Variants in CPNE4 observed in about 807,000 individuals in gnomAD.
The protein encoded by CPNE4 is copine-4.
In CPNE4, 25 loss-of-function variants were observed where a neutral mutation model predicts 67.9. That is an observed-to-expected ratio of 0.37 (90% CI 0.27 to 0.51). The LOEUF (loss-of-function observed/expected upper bound fraction) is 0.51. CPNE4 is among the 20% of genes least tolerant of loss of function. CPNE4 has a pLI of 0.93. For missense variants in CPNE4, 464 were observed against 690.8 expected, an observed-to-expected ratio of 0.67 and a Z score of 3.68; for synonymous variants, 242 against 244.9, an observed-to-expected ratio of 0.99 and a Z score of 0.11.
At chr3:131,543,975 G>T (rs1935670167) in intron 14 of CPNE4, among the ~76,000 whole-genome samples, 1 of 152,190 alleles carries the variant, frequency 6.6e-6, no homozygotes, top group South Asian at 2.1e-4. Flanking sequence ...TTGGAGGAAA[G>T]GTGCTGTACT....
chr3:131,752,164 A>G (rs958083443), intron 2 of CPNE4, among the ~76,000 whole-genome samples: 6 of 151,784 alleles, frequency 4.0e-5, no homozygotes, highest in African/African-American at 4.8e-5. Flanking sequence ...TGGGGGTGAA[A>G]TCTCCAGCTC....
intron 2 of CPNE4, among the ~76,000 whole-genome samples, chr3:131,791,281 C>T (rs1167792627): frequency 3.3e-5 from 5 of 152,034 alleles, no homozygotes; most frequent in Admixed American, 1.3e-4. Context: ...TTGTAATAGC[C>T]TTGTCACTCT....
At chr3:131,806,673 A>G (rs540923543) in intron 2 of CPNE4, among the ~76,000 whole-genome samples, 1 of 151,730 alleles carries the variant, frequency 6.6e-6, no homozygotes, top group Admixed American at 6.6e-5. Flanking sequence ...TGAAAATTTT[A>G]TTTAAAAATA....
At chr3:131,745,772 G>T (rs2082472987) in intron 2 of CPNE4, among the ~76,000 whole-genome samples, 1 of 152,228 alleles carries the variant, frequency 6.6e-6, no homozygotes, top group East Asian at 1.9e-4. Context: ...CCTTCTGCCA[G>T]TTCCACACAG....
At chr3:131,743,235 G>A (rs1460316284) in intron 2 of CPNE4, among the ~76,000 whole-genome samples, 1 of 152,112 alleles carries the variant, frequency 6.6e-6, no homozygotes, top group African/African-American at 2.4e-5. Flanking sequence ...ACAGGCAGTG[G>A]GAAACTTAAA....
chr3:132,032,373 G>A (rs1221046976), intron 1 of CPNE4, among the ~76,000 whole-genome samples: 1 of 152,144 alleles, frequency 6.6e-6, no homozygotes, highest in Non-Finnish European at 1.5e-5. Flanking sequence ...TAACACATAA[G>A]TAGAGGTTTG....
At chr3:131,717,921 T>TCTTTCTTTCTTTCTTTCTTTCTTTC (rs2081767102) in intron 3 of CPNE4, among the ~76,000 whole-genome samples, 2 of 146,478 alleles carry the variant, frequency 1.4e-5, no homozygotes, top group African/African-American at 5.0e-5. Context: ...TTTCTTTCTT[T>TCTTTCTTTCTTTCTTTCTTTCTTTC]CTTTCTTTCT....
intron 2 of CPNE4, among the ~76,000 whole-genome samples, chr3:131,724,963 G>C (rs1011781018): frequency 2.6e-5 from 4 of 152,110 alleles, no homozygotes; most frequent in Admixed American, 2.6e-4. Flanking sequence ...GATAACCCAA[G>C]ATTCTATAGC....
At chr3:131,763,380 T>C (rs1337150658) in intron 2 of CPNE4, among the ~76,000 whole-genome samples, 1 of 152,134 alleles carries the variant, frequency 6.6e-6, no homozygotes, top group Non-Finnish European at 1.5e-5. Flanking sequence ...ATAACTTAGG[T>C]TATTCTTCCT....
intron 11 of CPNE4, 81 bp downstream of exon 11, chr3:131,564,135 A>T (rs1398662349): frequency 6.4e-7 from 1 of 1,555,314 alleles, no homozygotes; most frequent in East Asian, 2.2e-5. Context: ...CTTAATTTCC[A>T]CTTTCTGCCC....
chr3:131,707,846 G>A (rs1004171596), intron 3 of CPNE4, among the ~76,000 whole-genome samples: 4 of 152,126 alleles, frequency 2.6e-5, no homozygotes, highest in African/African-American at 9.7e-5. Context: ...GGTACAGCAA[G>A]CATCACATAT....
intron 7 of CPNE4, among the ~76,000 whole-genome samples, chr3:131,628,805 T>G (rs2079144907): frequency 1.3e-5 from 2 of 152,376 alleles, no homozygotes; most frequent in South Asian, 4.1e-4. Context: ...TTTATTAGTC[T>G]TGCTAGTGGT....
intron 2 of CPNE4, among the ~76,000 whole-genome samples, chr3:131,868,966 A>G (rs1320240966): frequency 6.6e-6 from 1 of 152,206 alleles, no homozygotes; most frequent in Admixed American, 6.5e-5. Context: ...GGAAATCAGA[A>G]TGCAGTATCA....
chr3:131,792,674 T>TATATACACACGTGTATATATAC (rs2083782166), intron 2 of CPNE4, among the ~76,000 whole-genome samples: 3 of 76,712 alleles, frequency 3.9e-5, no homozygotes, highest in African/African-American at 1.1e-4. Flanking sequence ...TATATATACA[T>TATATACACACGTGTATATATAC]ATATACACAC....
At chr3:131,962,774 G>A (rs1560690914) in intron 1 of CPNE4, among the ~76,000 whole-genome samples, 1 of 151,516 alleles carries the variant, frequency 6.6e-6, no homozygotes, top group East Asian at 1.9e-4. Context: ...TCCTGAGAGA[G>A]AAAATGGCTT....
At chr3:131,623,395 TA>T (rs1476660052) in intron 7 of CPNE4, among the ~76,000 whole-genome samples, 1 of 152,028 alleles carries the variant, frequency 6.6e-6, no homozygotes, top group Non-Finnish European at 1.5e-5. Context: ...TCCTCAAAAA[TA>T]AAAAAATCTT....
intron 11 of CPNE4, among the ~76,000 whole-genome samples, chr3:131,557,131 C>T (rs1936501408): frequency 6.6e-6 from 1 of 152,104 alleles, no homozygotes; most frequent in African/African-American, 2.4e-5. Flanking sequence ...CCTGCCTAGA[C>T]AACAAATAAG....
At chr3:131,930,893 TCTAC>T (rs2071041881) in intron 1 of CPNE4, among the ~76,000 whole-genome samples, 1 of 152,104 alleles carries the variant, frequency 6.6e-6, no homozygotes, top group South Asian at 2.1e-4. Context: ...TTTCAAAATT[TCTAC>T]CTCTCTTCAC....
chr3:131,726,201 C>T (rs2081995762), intron 2 of CPNE4, among the ~76,000 whole-genome samples: 1 of 152,280 alleles, frequency 6.6e-6, no homozygotes, highest in Non-Finnish European at 1.5e-5. Flanking sequence ...CCCCAAAGGG[C>T]ACAAATAAGT....
Sources: allele counts gnomAD v4.1 joint callset (sites outside exome capture counted in the v4.1 genomes callset), GRCh38; gene constraint gnomAD v4.1.1; transcripts MANE v1.5; gene names NCBI Gene and HGNC (gene_info 2026-07-23, HGNC 2026-07-21).